The following PDPN variants were observed in gnomAD, a reference collection of about 807,000 sequenced individuals.
PDPN encodes the protein podoplanin, also known as PA2.26 antigen.
In PDPN, 12 loss-of-function variants were observed where a neutral mutation model predicts 23.2. The ratio of observed to expected loss-of-function variants is 0.52; its 90% CI spans 0.33 to 0.84. PDPN has a LOEUF of 0.84. Ranked by LOEUF, PDPN falls within the 40% of genes least tolerant of loss-of-function variation. The pLI is 0.02. For missense variants in PDPN, 199 were observed against 212.2 expected, an observed-to-expected ratio of 0.94 and a Z score of 0.39; for synonymous variants, 77 against 76.7, an observed-to-expected ratio of 1.00 and a Z score of -0.02.
chr1:13,612,273 C>T (rs1434901888), intron 3 of PDPN, among the ~76,000 whole-genome samples: 1 of 152,106 alleles, frequency 6.6e-6, no homozygotes, highest in Non-Finnish European at 1.5e-5. Flanking sequence ...TGTGAAACAC[C>T]CAAATACGAT....
intron 3 of PDPN, among the ~76,000 whole-genome samples, chr1:13,611,229 A>T (rs920283246): frequency 7.3e-5 from 10 of 137,800 alleles, no homozygotes; most frequent in Non-Finnish European, 1.3e-4. Flanking sequence ...TCAAAAAAAA[A>T]AACAAAACAA....
Position 13,590,736 on chromosome 1 carries a change from C to T in PDPN, c.67+6636C>T, listed in dbSNP as rs144915288. Among the ~76,000 whole-genome samples, 1,333 of 151,842 alleles carry T rather than the reference C, an allele frequency of 8.8e-3. 14 individuals carry two copies. The highest frequency in any genetic ancestry group is 0.038 in the South Asian group (182 of 4,794). ...ATGAGTCCGTGCTGAGTGGAAGAGG[C>T]GGGACCTTTTTCTGTAGGCAGAAAT... is the stretch of plus-strand genomic sequence containing the variant. On this transcript the variant is annotated intron_variant, in intron 1 of 5. Transcript: ENST00000621990.
intron 1 of PDPN, among the ~76,000 whole-genome samples, chr1:13,606,074 C>T (rs1234998879): frequency 6.6e-6 from 1 of 152,082 alleles, no homozygotes; most frequent in Non-Finnish European, 1.5e-5. Context: ...ACTGTAACCC[C>T]TGCTTCCTGG....
intron 2 of PDPN, among the ~76,000 whole-genome samples, chr1:13,609,143 C>A (rs899378308): frequency 1.3e-5 from 2 of 152,202 alleles, no homozygotes; most frequent in Non-Finnish European, 2.9e-5. Flanking sequence ...AGAATAGAGA[C>A]TGTGTGGCCT....
At chr1:13,596,064 T>G in intron 1 of PDPN, 1 of 346,366 alleles carries the variant, frequency 2.9e-6, no homozygotes, top group South Asian at 2.3e-5. Flanking sequence ...CTGGACATGG[T>G]GGCAGGTGCC....
chr1:13,613,686 GA>G lies in PDPN; in HGVS notation c.332del (p.Glu111GlyfsTer19). 7.1e-7 allele frequency: 1 copy of G among 1,409,106 alleles called. No homozygotes were observed. The highest frequency in any genetic ancestry group is 1.2e-5 in the South Asian group (1 of 86,032). The allele number at this position is 1,409,106 out of a possible 1,614,324, so 87.3% of individuals were successfully genotyped here. On this transcript the variant is annotated frameshift_variant and splice_region_variant, in exon 4 of 6. Transcript: ENST00000621990. LOFTEE classifies it high-confidence loss of function. The part of the protein sequence containing the change: ...ASNVATSHST[E>X]KVDGDTQTTV... ...ACATTATTATATCTTTCTATTCACA[GA>G]GAAAGTGGATGGAGACACACAGACA...
At position 13,616,038 on chromosome 1, in the gene PDPN, A is replaced by G; in HGVS notation, c.*127A>G. 2 of 864,868 alleles carry G rather than the reference A, an allele frequency of 2.3e-6. No homozygotes were observed. Among genetic ancestry groups the G allele is most frequent in the Non-Finnish European group, 3.9e-6 (2 of 514,180 alleles). The allele number at this position is 864,868 out of a possible 1,614,324, so 53.6% of individuals were successfully genotyped here. ...CACTTGCCTGGCCCACTCAGAATCC[A>G]CGGTGACCTCTCCGCTTGCCAAAAT... On this transcript the variant is annotated 3_prime_UTR_variant, in exon 6 of 6. Coordinates refer to ENST00000621990, the MANE Select transcript of PDPN (RefSeq NM_006474.5).
chr1:13,585,779 C>T (rs146551775), intron 1 of PDPN: 4 of 544,002 alleles, frequency 7.4e-6, no homozygotes, highest in African/African-American at 3.9e-5. Context: ...AGCAGAGGCC[C>T]AGCAGGGTTT....
At position 13,610,369 on chromosome 1, in the gene PDPN, C is replaced by G; in HGVS notation, c.202-18C>G. On this transcript the variant is annotated intron_variant, in intron 2 of 5. Transcript: ENST00000621990. ...GTAGGCTTTATTTCCTGTTTTTCCT[C>G]ATTTACACCTACAATAGGTGGCAAC... is the stretch of plus-strand genomic sequence containing the variant. 6.2e-7 allele frequency: 1 copy of G among 1,607,890 alleles called. No homozygotes were observed. Among genetic ancestry groups the G allele is most frequent in the Non-Finnish European group, 8.5e-7 (1 of 1,176,054 alleles).
intron 1 of PDPN, among the ~76,000 whole-genome samples, chr1:13,585,965 C>A (rs763693144): frequency 6.6e-6 from 1 of 152,096 alleles, no homozygotes; most frequent in Non-Finnish European, 1.5e-5. Context: ...GGGTTATAAT[C>A]TGGTTCAGTT....
At chr1:13,610,355 T>G in intron 2 of PDPN, 32 bp from the exon 3 acceptor site, 1 of 1,597,110 alleles carries the variant, frequency 6.3e-7, no homozygotes, top group Non-Finnish European at 8.6e-7. Flanking sequence ...TAGGCTTTAT[T>G]TCCTGTTTTT....
chr1:13,583,971 A>G lies in PDPN; in HGVS notation c.-63A>G, dbSNP rs1640107811. 6.2e-7 allele frequency: 1 copy of G among 1,613,284 alleles called. No individual in the cohort carries two copies. Among genetic ancestry groups the G allele is most frequent in the African/African-American group, 1.3e-5 (1 of 74,810 alleles). On this transcript the variant is annotated 5_prime_UTR_variant, in exon 1 of 6. Coordinates refer to ENST00000621990, the MANE Select transcript of PDPN (RefSeq NM_006474.5). ...GGGCCTGTGGCCGCGGTGCTTTTTA[A>G]TTTTCCCCCAGCTCAGAATCTTGCT...
At chr1:13,599,373 CTTTTTTTTTTTTTTTT>C (rs70984267) in intron 1 of PDPN, among the ~76,000 whole-genome samples, 8 of 77,086 alleles carry the variant, frequency 1.0e-4, no homozygotes, top group Admixed American at 5.2e-4. Context: ...GAGAAGCTAT[CTTTTTTTTTTTTTTTT>C]TTTTTTTTTT....
intron 1 of PDPN, among the ~76,000 whole-genome samples, chr1:13,600,022 A>G (rs528555296): frequency 6.6e-6 from 1 of 152,288 alleles, no homozygotes; most frequent in Admixed American, 6.5e-5. Context: ...GATTTCTCCT[A>G]GTAAGGGGAC....
chr1:13,614,236 CAT>C (rs1210033978), intron 4 of PDPN, 62 bp from the exon 5 acceptor site: 1 of 821,096 alleles, frequency 1.2e-6, no homozygotes, highest in East Asian at 2.4e-5. Context: ...TTATATGTTA[CAT>C]ATTTTATCAC....
At chr1:13,589,253 C>T (rs764465942) in intron 1 of PDPN, among the ~76,000 whole-genome samples, 1 of 152,206 alleles carries the variant, frequency 6.6e-6, no homozygotes, top group Admixed American at 6.5e-5. Flanking sequence ...TGGGGTATCT[C>T]ACCCCTGAGA....
chr1:13,611,456 A>G (rs1640934185), intron 3 of PDPN, among the ~76,000 whole-genome samples: 1 of 152,190 alleles, frequency 6.6e-6, no homozygotes, highest in African/African-American at 2.4e-5. Context: ...GACATTATGC[A>G]AAGTGAAATA....
intron 5 of PDPN, 117 bp from the exon 6 acceptor site, chr1:13,615,788 A>T: frequency 1.1e-6 from 1 of 934,322 alleles, no homozygotes; most frequent in Non-Finnish European, 1.8e-6. Flanking sequence ...AGAGATGATC[A>T]CCAGGTGTCA....
chr1:13,589,979 C>T (rs896399523), intron 1 of PDPN, among the ~76,000 whole-genome samples: 1 of 152,188 alleles, frequency 6.6e-6, no homozygotes, highest in Non-Finnish European at 1.5e-5. Flanking sequence ...AGGCATGTGC[C>T]ACCACGCCTG....
Sources: gnomAD v4.1 joint callset for allele counts (sites outside exome capture counted in the v4.1 genomes callset) on GRCh38, gnomAD v4.1.1 for gene constraint, MANE v1.5 for transcripts, NCBI Gene and HGNC (gene_info 2026-07-23, HGNC 2026-07-21) for gene names.